The following GNG12 variants were observed in gnomAD, a reference collection of about 807,000 sequenced individuals.
The protein encoded by GNG12 is G protein subunit gamma 12.
For missense variants in GNG12, 69 were observed against 83.8 expected (o/e 0.82, Z 0.69); for synonymous variants, 28 against 29.7 (o/e 0.94, Z 0.19).
intron 2 of GNG12, among the ~76,000 whole-genome samples, chr1:67,756,492 C>T (rs1055406981): frequency 6.6e-6 from 1 of 152,108 alleles, no homozygotes; most frequent in Non-Finnish European, 1.5e-5. Context: ...GGTGCTATGG[C>T]TGCTGCTCAA....
chr1:67,822,554 A>C (rs1646990313), intron 1 of GNG12, among the ~76,000 whole-genome samples: 1 of 152,194 alleles, frequency 6.6e-6, no homozygotes, highest in Non-Finnish European at 1.5e-5. Context: ...AGAGAGCTTT[A>C]AACCAACCTT....
intron 1 of GNG12, among the ~76,000 whole-genome samples, chr1:67,832,729 G>A (rs1647055026): frequency 2.0e-5 from 3 of 152,212 alleles, no homozygotes; most frequent in African/African-American, 7.2e-5. Flanking sequence ...TGCGTCATAT[G>A]GGCTCTCCCC....
At chr1:67,776,762 A>G (rs1646707745) in intron 2 of GNG12, among the ~76,000 whole-genome samples, 1 of 152,164 alleles carries the variant, frequency 6.6e-6, no homozygotes, top group African/African-American at 2.4e-5. Flanking sequence ...TGGCAAGATA[A>G]ATAAAGGATT....
intron 2 of GNG12, among the ~76,000 whole-genome samples, chr1:67,709,238 T>C (rs192639268): frequency 6.6e-6 from 1 of 152,358 alleles, no homozygotes; most frequent in East Asian, 1.9e-4. Context: ...AGGCATTCCA[T>C]GAACTGCAGC....
At chr1:67,740,176 A>C (rs1034214500) in intron 2 of GNG12, among the ~76,000 whole-genome samples, 12 of 152,344 alleles carry the variant, frequency 7.9e-5, no homozygotes, top group African/African-American at 2.2e-4. Context: ...CAGAGTATAT[A>C]AGATTATATA....
At chr1:67,751,198 C>G (rs1646537215) in intron 2 of GNG12, among the ~76,000 whole-genome samples, 1 of 151,480 alleles carries the variant, frequency 6.6e-6, no homozygotes, top group Non-Finnish European at 1.5e-5. Context: ...CACACACACA[C>G]ACACACACAC....
intron 2 of GNG12, among the ~76,000 whole-genome samples, chr1:67,713,601 G>A (rs1378623862): frequency 6.6e-6 from 1 of 151,932 alleles, no homozygotes; most frequent in Non-Finnish European, 1.5e-5. Flanking sequence ...AATCACTGGA[G>A]TGAAGCCAAC....
intron 1 of GNG12, among the ~76,000 whole-genome samples, chr1:67,788,105 A>T (rs1442148503): frequency 1.3e-5 from 2 of 152,230 alleles, no homozygotes; most frequent in Admixed American, 1.3e-4. Flanking sequence ...CTTTTGGAAT[A>T]GCTTAGTGGC....
chr1:67,766,131 CACACACACACACACA>C (rs749041545), intron 2 of GNG12, among the ~76,000 whole-genome samples: 1 of 151,390 alleles, frequency 6.6e-6, no homozygotes, highest in African/African-American at 2.4e-5. Context: ...CACACACACA[CACACACACACACACA>C]CACCCCTAAA....
rs115830245 is a variant in GNG12, at chr1:67,796,387, C to T, written c.-76-18880G>A. 9.1e-3 allele frequency among the ~76,000 whole-genome samples: 1,378 copies of T among 152,206 alleles called. 26 individuals carry two copies. Among genetic ancestry groups the T allele is most frequent in the African/African-American group, 0.031 (1,300 of 41,512 alleles). On this transcript the variant is annotated intron_variant, in intron 1 of 3. Coordinates refer to ENST00000370982, the MANE Select transcript of GNG12 (RefSeq NM_018841.6). ...TCTGCTTGAGGCCTGCATTTCCATA[C>T]CTTTCTTTTAGCTAACTCTGGTTCG...
At chr1:67,728,698 C>A (rs1646401308) in intron 2 of GNG12, among the ~76,000 whole-genome samples, 1 of 152,124 alleles carries the variant, frequency 6.6e-6, no homozygotes, top group South Asian at 2.1e-4. Flanking sequence ...CAATTGGGGA[C>A]CAGCTTATGG....
At chr1:67,814,811 A>G (rs932367441) in intron 1 of GNG12, among the ~76,000 whole-genome samples, 1 of 152,208 alleles carries the variant, frequency 6.6e-6, no homozygotes, top group Non-Finnish European at 1.5e-5. Flanking sequence ...ACAGGTTTCA[A>G]TTCTGGCTCT....
intron 1 of GNG12, among the ~76,000 whole-genome samples, chr1:67,819,832 T>C (rs1646974524): frequency 6.6e-6 from 1 of 152,202 alleles, no homozygotes; most frequent in African/African-American, 2.4e-5. Flanking sequence ...CTACCTGGAA[T>C]GCTCTTCTCC....
chr1:67,735,507 C>T (rs185614188), intron 2 of GNG12, among the ~76,000 whole-genome samples: 10 of 152,152 alleles, frequency 6.6e-5, no homozygotes, highest in African/African-American at 2.4e-4. Flanking sequence ...AGCCTGCGTC[C>T]TCATCTGCAA....
At chr1:67,708,678 C>T (rs1646264325) in intron 2 of GNG12, among the ~76,000 whole-genome samples, 1 of 152,154 alleles carries the variant, frequency 6.6e-6, no homozygotes, top group African/African-American at 2.4e-5. Context: ...GTGCCCTGAC[C>T]TATATGGCTA....
intron 2 of GNG12, among the ~76,000 whole-genome samples, chr1:67,719,793 G>A (rs988147559): frequency 1.3e-5 from 2 of 152,180 alleles, no homozygotes; most frequent in Non-Finnish European, 2.9e-5. Flanking sequence ...GCTATTACAT[G>A]GCAGAAAGAG....
intron 2 of GNG12, among the ~76,000 whole-genome samples, chr1:67,774,084 A>G (rs1646690599): frequency 6.6e-6 from 1 of 152,138 alleles, no homozygotes; most frequent in South Asian, 2.1e-4. Context: ...TATCTTTATG[A>G]GTACTCTGAA....
chr1:67,731,447 C>G (rs1260351526), intron 2 of GNG12, among the ~76,000 whole-genome samples: 1 of 152,162 alleles, frequency 6.6e-6, no homozygotes, highest in Middle Eastern at 3.2e-3. Context: ...GAGAGTGATT[C>G]CTTTTGGCTG....
At chr1:67,705,643 T>C (rs543094266) in intron 3 of GNG12, 67 bp from the exon 4 acceptor site, 76 of 1,544,120 alleles carry the variant, frequency 4.9e-5, no homozygotes, top group Admixed American at 1.6e-4. Context: ...CAGAGCGTAT[T>C]TGAATGCTAG....
Sources: gnomAD v4.1 joint callset for allele counts (sites outside exome capture counted in the v4.1 genomes callset) on GRCh38, gnomAD v4.1.1 for gene constraint, MANE v1.5 for transcripts, NCBI Gene and HGNC (gene_info 2026-07-23, HGNC 2026-07-21) for gene names.